Variants in RETREG3 observed in about 807,000 individuals in gnomAD.
RETREG3 encodes reticulophagy regulator 3.
In RETREG3, 23 loss-of-function variants were observed where a neutral mutation model predicts 50.2. The observed-to-expected ratio is 0.46, with a 90% CI of 0.33 to 0.65. RETREG3 has a LOEUF of 0.65. Ranked by LOEUF, RETREG3 falls within the 30% of genes least tolerant of loss-of-function variation. RETREG3 has a pLI of 0.02. For missense variants in RETREG3, 546 were observed against 598.0 expected, an observed-to-expected ratio of 0.91 and a Z score of 0.91; for synonymous variants, 240 against 234.4, an observed-to-expected ratio of 1.02 and a Z score of -0.22.
At chr17:42,587,886 C>G (rs1382325009) in intron 2 of RETREG3, 22 bp from the exon 3 acceptor site, 11 of 1,614,038 alleles carry the variant, frequency 6.8e-6, no homozygotes, top group Non-Finnish European at 9.3e-6. Context: ...AAACAAACAC[C>G]AGCATTAGTT....
rs372936395 is a variant in RETREG3 at position 42,582,196 on chromosome 17, G to T, written c.1018C>A (p.Pro340Thr). The T allele has an allele frequency of 7.4e-6, 12 of 1,613,658 alleles. No homozygotes were observed. In the African/African-American group the frequency reaches 1.6e-4, roughly 22 times the overall value. The change falls in exon 9 of 9, where the codon CCT becomes ACT. Residue 340 changes from proline to threonine, a missense_variant. Transcript: ENST00000309428. Reference protein sequence around the residue: ...LPDFPSINMDPAGLDDEDDTS... With the variant: ...LPDFPSINMDTAGLDDEDDTS... Reference sequence around the variant, plus strand: ...TCGTCCTCATCATCCAGGCCAGCAGGATCCATATTAATGGAAGGGAAGTCT... The same window carrying T: ...TCGTCCTCATCATCCAGGCCAGCAGTATCCATATTAATGGAAGGGAAGTCT...
chr17:42,595,950 G>A (rs1419851359), intron 1 of RETREG3, among the ~76,000 whole-genome samples: 1 of 151,944 alleles, frequency 6.6e-6, no homozygotes, highest in Non-Finnish European at 1.5e-5. Flanking sequence ...CCTACAGTAG[G>A]TAGAAGGAGT....
chr17:42,592,230 G>T, intron 1 of RETREG3, 68 bp from the exon 2 acceptor site: 1 of 1,281,534 alleles, frequency 7.8e-7, no homozygotes, highest in Non-Finnish European at 1.1e-6. Context: ...AAGGCCACGT[G>T]TGTACGATGG....
intron 1 of RETREG3, among the ~76,000 whole-genome samples, chr17:42,603,850 G>C (rs1393817443): frequency 6.6e-6 from 1 of 152,092 alleles, no homozygotes; most frequent in Admixed American, 6.6e-5. Context: ...GGTGGCGGGC[G>C]CCTGTAGTCC....
In RETREG3 at chr17:42,581,524, A is replaced by C; in HGVS notation, c.*289T>G. ...AACAGCAGCACCTCCTCAAAGGGGA[A>C]CCAATATCCCTGACTATTTTGTTCC... On this transcript the variant is annotated 3_prime_UTR_variant, in exon 9 of 9. Coordinates refer to ENST00000309428, the MANE Select transcript of RETREG3 (RefSeq NM_178126.4). 3.0e-6 allele frequency: 1 copy of C among 337,044 alleles called. No individual in the cohort carries two copies. The highest frequency in any genetic ancestry group is 5.4e-6 in the Non-Finnish European group (1 of 184,264). The allele number at this position is 337,044 out of a possible 1,614,324, so 20.9% of individuals were successfully genotyped here.
intron 2 of RETREG3, among the ~76,000 whole-genome samples, chr17:42,590,990 C>A (rs955281421): frequency 6.6e-6 from 1 of 151,982 alleles, no homozygotes; most frequent in Non-Finnish European, 1.5e-5. Context: ...AGAAAAGAAA[C>A]CAACAAAAAA....
intron 1 of RETREG3, among the ~76,000 whole-genome samples, chr17:42,592,773 G>A (rs572514279): frequency 2.0e-5 from 3 of 152,222 alleles, no homozygotes; most frequent in Non-Finnish European, 4.4e-5. Context: ...CCAACATGGT[G>A]AAACTCCGTA....
At chr17:42,597,540 T>G (rs1262468816) in intron 1 of RETREG3, among the ~76,000 whole-genome samples, 1 of 139,952 alleles carries the variant, frequency 7.1e-6, no homozygotes, top group Non-Finnish European at 1.5e-5. Flanking sequence ...TATATATATA[T>G]ATTTCGTATA....
In RETREG3 at chr17:42,581,769, G is replaced by A; in HGVS notation, c.*44C>T. 2 of 1,507,480 alleles carry A rather than the reference G, an allele frequency of 1.3e-6. No homozygotes were observed. The highest frequency in any genetic ancestry group is 1.8e-6 in the Non-Finnish European group (2 of 1,125,010). 93.4% of individuals were successfully genotyped at this position (1,507,480 alleles called of 1,614,324 possible). A position where few individuals can be genotyped will look rare whatever the true frequency, so the allele number is the denominator to read the frequency against. On this transcript the variant is annotated 3_prime_UTR_variant, in exon 9 of 9. Coordinates refer to ENST00000309428, the MANE Select transcript of RETREG3 (RefSeq NM_178126.4). ...CCCATCACCTTAAGTGGGATGGGGAGAAAAAAACCTAAACCACAGTGACTC... is the reference window on the plus strand; with the variant it reads ...CCCATCACCTTAAGTGGGATGGGGAAAAAAAAACCTAAACCACAGTGACTC...
chr17:42,591,539 C>T (rs762480211), intron 2 of RETREG3, among the ~76,000 whole-genome samples: 92 of 152,058 alleles, frequency 6.1e-4, no homozygotes, highest in Non-Finnish European at 1.1e-3. Context: ...GGGGTTTCAT[C>T]ATGTTGGCCA....
chr17:42,581,723 G>A lies in RETREG3; in HGVS notation c.*90C>T. 2.5e-6 allele frequency: 3 copies of A among 1,194,026 alleles called. No individual in the cohort carries two copies. Among genetic ancestry groups the A allele is most frequent in the East Asian group, 2.5e-5 (1 of 39,436 alleles). 74.0% of individuals were successfully genotyped at this position (1,194,026 alleles called of 1,614,324 possible). On this transcript the variant is annotated 3_prime_UTR_variant, in exon 9 of 9. Transcript: ENST00000309428. ...GCATACAAATATAATTCAGGGGAGG[G>A]GAGCTGAGTTCTTCCCTTGCCCCAT...
At chr17:42,587,928 C>T (rs2143383400) in intron 2 of RETREG3, 64 bp from the exon 3 acceptor site, 1 of 1,585,666 alleles carries the variant, frequency 6.3e-7, no homozygotes, top group Non-Finnish European at 8.7e-7. Context: ...AAATGTTAGG[C>T]TGTTGGTCTG....
chr17:42,589,130 C>A (rs1597734948), intron 2 of RETREG3, among the ~76,000 whole-genome samples: 2 of 151,500 alleles, frequency 1.3e-5, no homozygotes, highest in African/African-American at 2.4e-5. Flanking sequence ...AATGGGGAGA[C>A]CCATTATCTA....
At chr17:42,603,461 T>C (rs1363537092) in intron 1 of RETREG3, among the ~76,000 whole-genome samples, 2 of 152,178 alleles carry the variant, frequency 1.3e-5, no homozygotes, top group Non-Finnish European at 2.9e-5. Context: ...ACCTATATCA[T>C]GCAGTGACAG....
In RETREG3 at chr17:42,580,495, A is replaced by T. The variant is rs1020851941; in HGVS notation, c.*1318T>A. Reference sequence around the variant, plus strand: ...TGGACCCAGGGGTTATCAGAAACCGAAGATTAACTACACAGCTCCAGAAGA... The same window carrying T: ...TGGACCCAGGGGTTATCAGAAACCGTAGATTAACTACACAGCTCCAGAAGA... On this transcript the variant is annotated 3_prime_UTR_variant, in exon 9 of 9. Transcript: ENST00000309428. The T allele has an allele frequency of 6.5e-6, 1 of 152,780 alleles. No individual in the cohort carries two copies. Among genetic ancestry groups the T allele is most frequent in the African/African-American group, 2.4e-5 (1 of 41,426 alleles). 9.5% of individuals were successfully genotyped at this position (152,780 alleles called of 1,614,324 possible). A position where few individuals can be genotyped will look rare whatever the true frequency, so the allele number is the denominator to read the frequency against.
intron 7 of RETREG3, 41 bp from the exon 8 acceptor site, chr17:42,582,847 A>T (rs961117091): frequency 6.2e-7 from 1 of 1,613,136 alleles, no homozygotes. Context: ...TGCCATCAGG[A>T]ACCAGGTGTA....
At chr17:42,590,161 G>A (rs1219510475) in intron 2 of RETREG3, among the ~76,000 whole-genome samples, 1 of 152,138 alleles carries the variant, frequency 6.6e-6, no homozygotes, top group South Asian at 2.1e-4. Context: ...CCAAGATCGC[G>A]CCACTGCACT....
chr17:42,598,801 CT>C (rs2093153063), intron 1 of RETREG3: 2 of 152,102 alleles, frequency 1.3e-5, no homozygotes, highest in Non-Finnish European at 2.9e-5. Flanking sequence ...ACCACAAGGC[CT>C]TGGCATGTAA....
At chr17:42,592,244 C>T in intron 1 of RETREG3, 82 bp from the exon 2 acceptor site, 2 of 1,095,666 alleles carry the variant, frequency 1.8e-6, no homozygotes, top group East Asian at 4.9e-5. Flanking sequence ...ACGATGGGCT[C>T]TGTGGTAAAC....
Sources: allele counts gnomAD v4.1 joint callset (sites outside exome capture counted in the v4.1 genomes callset), GRCh38; gene constraint gnomAD v4.1.1; transcripts MANE v1.5; gene names NCBI Gene and HGNC (gene_info 2026-07-23, HGNC 2026-07-21).